SLC8A1: variants seen among roughly 807,000 people sequenced by gnomAD.
SLC8A1 encodes the protein sodium/calcium exchanger 1.
In SLC8A1, 18 loss-of-function variants were observed where a neutral mutation model predicts 68.3. The ratio of observed to expected loss-of-function variants is 0.26; its 90% CI spans 0.18 to 0.39. The LOEUF (loss-of-function observed/expected upper bound fraction) is 0.39, where lower values mean the gene tolerates loss of function less well. SLC8A1 is among the 10% of genes least tolerant of loss of function. The probability of loss-of-function intolerance (pLI) is 1.00; values close to 1 mark genes in which losing one functional copy is unlikely to be tolerated. For missense variants in SLC8A1, 985 were observed against 1,156.7 expected, an observed-to-expected ratio of 0.85 and a Z score of 2.15; for synonymous variants, 475 against 415.5, an observed-to-expected ratio of 1.14 and a Z score of -1.74.
At position 40,463,684 on chromosome 2, in the gene SLC8A1, A is replaced by C. The variant is rs1703471063; in HGVS notation, c.-24-33380T>G. On this transcript the variant is annotated intron_variant, in intron 1 of 7. Transcript: ENST00000402441. Reference sequence around the variant, plus strand: ...GTGATTATTAGTAATTGCCACAATGACCAGAATTATCCACCAGATTGCTTT... The same window carrying C: ...GTGATTATTAGTAATTGCCACAATGCCCAGAATTATCCACCAGATTGCTTT... 2.0e-5 allele frequency among the ~76,000 whole-genome samples: 3 copies of C among 152,064 alleles called. No homozygotes were observed. The South Asian group carries it at 6.2e-4, about 32-fold the overall frequency.
chr2:40,439,971 A>G (rs567546847), intron 1 of SLC8A1, among the ~76,000 whole-genome samples: 2 of 152,272 alleles, frequency 1.3e-5, no homozygotes, highest in East Asian at 1.9e-4. Flanking sequence ...AATATTGTAT[A>G]GTATATATTA....
chr2:40,389,441 T>C (rs1575988762), intron 2 of SLC8A1, among the ~76,000 whole-genome samples: 1 of 152,112 alleles, frequency 6.6e-6, no homozygotes, highest in Admixed American at 6.6e-5. Context: ...CTCTGAAAGA[T>C]AAAACAGACA....
chr2:40,265,833 T>C (rs1254231467), intron 2 of SLC8A1, among the ~76,000 whole-genome samples: 1 of 152,074 alleles, frequency 6.6e-6, no homozygotes, highest in East Asian at 1.9e-4. Flanking sequence ...TGCAATTATT[T>C]GCTGAAGGAA....
chr2:40,382,461 T>G (rs1209206446), intron 2 of SLC8A1, among the ~76,000 whole-genome samples: 1 of 152,152 alleles, frequency 6.6e-6, no homozygotes, highest in Non-Finnish European at 1.5e-5. Context: ...TGATTAAATA[T>G]TATTCAAATC....
intron 1 of SLC8A1, among the ~76,000 whole-genome samples, chr2:40,501,748 A>C (rs1706072379): frequency 6.6e-6 from 1 of 152,016 alleles, no homozygotes; most frequent in Non-Finnish European, 1.5e-5. Context: ...CCCCTTGCCC[A>C]CGTAGTAGGG....
At chr2:40,369,452 C>G (rs1677307022) in intron 2 of SLC8A1, among the ~76,000 whole-genome samples, 1 of 152,022 alleles carries the variant, frequency 6.6e-6, no homozygotes, top group African/African-American at 2.4e-5. Flanking sequence ...GCATGAACTT[C>G]AAGAATTCCA....
intron 2 of SLC8A1, among the ~76,000 whole-genome samples, chr2:40,261,364 A>C (rs1178268970): frequency 6.6e-6 from 1 of 152,192 alleles, no homozygotes; most frequent in Non-Finnish European, 1.5e-5. Context: ...CATCTTGGCT[A>C]AAAGGGTTTC....
At chr2:40,339,812 A>T (rs6757184) in intron 2 of SLC8A1, among the ~76,000 whole-genome samples, 11,973 of 152,288 alleles carry the variant, frequency 0.079, 1,397 homozygotes, top group African/African-American at 0.25. Flanking sequence ...GACAGACAGA[A>T]GTTACTTTGT....
At chr2:40,314,807 T>C (rs575584562) in intron 2 of SLC8A1, among the ~76,000 whole-genome samples, 83 of 152,202 alleles carry the variant, frequency 5.5e-4, no homozygotes, top group African/African-American at 1.9e-3. Context: ...CATTTGTTTC[T>C]CGTATTTAGA....
rs35152010 is a variant in SLC8A1, at chr2:40,382,118, T to C, written c.1808+46355A>G. Among the ~76,000 whole-genome samples the C allele has an allele frequency of 1.9e-4, 29 of 152,240 alleles. No homozygotes were observed. In the East Asian group the frequency reaches 5.4e-3, roughly 29 times the overall value. On this transcript the variant is annotated intron_variant, in intron 2 of 7. Transcript: ENST00000406785. ...ATTTCAGTAACACACATTTCTCTACTGTAGCACTAATATTGTAATTAGTTT... is the reference window on the plus strand; with the variant it reads ...ATTTCAGTAACACACATTTCTCTACCGTAGCACTAATATTGTAATTAGTTT...
At position 40,416,050 on chromosome 2, in the gene SLC8A1, G is replaced by GT. The variant is rs1346402002; in HGVS notation, c.1808+12422dup. Among the ~76,000 whole-genome samples, 27 of 96,394 alleles carry GT rather than the reference G, an allele frequency of 2.8e-4. 1 individual carries two copies. Among genetic ancestry groups the GT allele is most frequent in the East Asian group, 9.9e-4 (3 of 3,020 alleles). The allele number at this position is 96,394 out of a possible 152,430, so 63.2% of individuals were successfully genotyped here. A position where few individuals can be genotyped will look rare whatever the true frequency, so the allele number is the denominator to read the frequency against. On this transcript the variant is annotated intron_variant, in intron 2 of 7. Coordinates refer to ENST00000406785, the Ensembl canonical transcript of SLC8A1. The stretch of plus-strand genomic sequence containing the variant: ...TGGGTGACAGATTGAGCGAGGCTCT[G>GT]TTTTAAAAAAAAAAAAAAAAAAAAA...
At chr2:40,184,001 A>T (rs1460767033) in intron 2 of SLC8A1, among the ~76,000 whole-genome samples, 1 of 152,094 alleles carries the variant, frequency 6.6e-6, no homozygotes, top group Non-Finnish European at 1.5e-5. Context: ...ACGAAAAATC[A>T]AAAAAACAAC....
chr2:40,258,162 G>A (rs187444610), intron 2 of SLC8A1, among the ~76,000 whole-genome samples: 1 of 152,284 alleles, frequency 6.6e-6, no homozygotes, highest in East Asian at 1.9e-4. Context: ...TCTAAACAGT[G>A]ACATTTTGTT....
chr2:40,349,584 C>A (rs1670418571), intron 2 of SLC8A1, among the ~76,000 whole-genome samples: 2 of 152,084 alleles, frequency 1.3e-5, no homozygotes, highest in African/African-American at 4.8e-5. Flanking sequence ...GTATCTACCT[C>A]ACAGGGTTAT....
intron 2 of SLC8A1, among the ~76,000 whole-genome samples, chr2:40,329,060 T>TTACA (rs1205744450): frequency 2.8e-4 from 40 of 141,236 alleles, no homozygotes; most frequent in African/African-American, 9.4e-4. Context: ...CACTACAACC[T>TTACA]CACACACACA....
chr2:40,131,548 T>C (rs2039337062), intron 7 of SLC8A1, among the ~76,000 whole-genome samples: 1 of 152,214 alleles, frequency 6.6e-6, no homozygotes, highest in Non-Finnish European at 1.5e-5. Context: ...TCTCTGCTGT[T>C]AAGAGTAGAC....
chr2:40,396,288 C>T (rs1686869453), intron 2 of SLC8A1, among the ~76,000 whole-genome samples: 2 of 152,102 alleles, frequency 1.3e-5, no homozygotes, highest in South Asian at 4.2e-4. Context: ...GTTAATTAGG[C>T]AGTAACTTGA....
At chr2:40,377,635 G>T (rs556501557) in intron 2 of SLC8A1, among the ~76,000 whole-genome samples, 1 of 151,982 alleles carries the variant, frequency 6.6e-6, no homozygotes, top group Non-Finnish European at 1.5e-5. Context: ...ATTTAAAATA[G>T]ATTTCCACCA....
intron 2 of SLC8A1, among the ~76,000 whole-genome samples, chr2:40,330,445 G>A (rs1341547737): frequency 5.3e-5 from 8 of 152,166 alleles, no homozygotes; most frequent in African/African-American, 9.7e-5. Context: ...TAAAGGCAAT[G>A]TCTAAGGCTG....
Sources: allele counts gnomAD v4.1 joint callset (sites outside exome capture counted in the v4.1 genomes callset), GRCh38; gene constraint gnomAD v4.1.1; transcripts MANE v1.5; gene names NCBI Gene and HGNC (gene_info 2026-07-23, HGNC 2026-07-21).